The following SCN9A variants were observed in gnomAD, a reference collection of about 807,000 sequenced individuals.
SCN9A encodes the protein sodium channel protein type 9 subunit alpha.
SCN9A carries 131 observed loss-of-function variants against 187.0 expected under a neutral mutation model. That is an observed-to-expected ratio of 0.70 (90% CI 0.61 to 0.81). The LOEUF (loss-of-function observed/expected upper bound fraction) is 0.81, where lower values mean the gene tolerates loss of function less well. Among genes scored for constraint, SCN9A ranks in the 30% least tolerant of loss-of-function variants. The probability of loss-of-function intolerance (pLI) is 0.00; values close to 1 mark genes in which losing one functional copy is unlikely to be tolerated. For missense variants in SCN9A, 2,252 were observed against 2,396.6 expected (o/e 0.94, Z 1.26); for synonymous variants, 809 against 808.6 (o/e 1.00, Z -0.01).
intron 1 of SCN9A, among the ~76,000 whole-genome samples, chr2:166,332,216 T>C (rs1007574639): frequency 6.6e-6 from 1 of 152,172 alleles, no homozygotes; most frequent in Non-Finnish European, 1.5e-5. Flanking sequence ...GTGGCAGCAG[T>C]GACCAGTAGT....
intron 1 of SCN9A, among the ~76,000 whole-genome samples, chr2:166,331,498 T>A (rs1699501680): frequency 2.0e-5 from 3 of 152,178 alleles, no homozygotes; most frequent in African/African-American, 7.2e-5. Flanking sequence ...ACCCAACCAC[T>A]CTGTTATCAA....
At chr2:166,316,652 C>G (rs2105237007) in intron 1 of SCN9A, among the ~76,000 whole-genome samples, 1 of 152,312 alleles carries the variant, frequency 6.6e-6, no homozygotes, top group East Asian at 1.9e-4. Context: ...CAAGATCGTG[C>G]CACTGCACTC....
At position 166,304,344 on chromosome 2, in the gene SCN9A, C is replaced by G. The variant is rs1187513458; in HGVS notation, c.597-15G>C. The G allele has an allele frequency of 6.3e-7, 1 of 1,594,816 alleles. No individual in the cohort carries two copies. Among genetic ancestry groups the G allele is most frequent in the Non-Finnish European group, 8.6e-7 (1 of 1,163,328 alleles). On this transcript the variant is annotated splice_polypyrimidine_tract_variant and intron_variant, in intron 5 of 26. Transcript: ENST00000642356. ...CTGTTAAATACCTGTAGAATTAAATCAGAATTATTCAGAATTTAGATAGAG... is the reference window on the plus strand; with the variant it reads ...CTGTTAAATACCTGTAGAATTAAATGAGAATTATTCAGAATTTAGATAGAG...
chr2:166,212,897 G>GA (rs900474970), intron 24 of SCN9A, among the ~76,000 whole-genome samples: 2 of 151,102 alleles, frequency 1.3e-5, no homozygotes, highest in South Asian at 2.1e-4. Flanking sequence ...ATGGGTCAAA[G>GA]AAAAAAAATC....
chr2:166,364,122 A>G (rs1407835761), intron 1 of SCN9A, among the ~76,000 whole-genome samples: 1 of 151,988 alleles, frequency 6.6e-6, no homozygotes, highest in Non-Finnish European at 1.5e-5. Context: ...CAAAACCACA[A>G]TAAAATATCA....
chr2:166,289,734 G>T (rs888372684), intron 9 of SCN9A, among the ~76,000 whole-genome samples: 1 of 151,832 alleles, frequency 6.6e-6, no homozygotes, highest in Non-Finnish European at 1.5e-5. Flanking sequence ...CTTCCACACT[G>T]GTTGAACTAA....
chr2:166,265,877 A>G (rs1468308583), intron 17 of SCN9A, among the ~76,000 whole-genome samples: 1 of 151,708 alleles, frequency 6.6e-6, no homozygotes, highest in African/African-American at 2.4e-5. Flanking sequence ...AGAAATATCT[A>G]TTCAGGTCTT....
At chr2:166,281,528 A>G (rs1481612124) in intron 13 of SCN9A, 151 bp downstream of exon 13, 8 of 565,214 alleles carry the variant, frequency 1.4e-5, no homozygotes, top group Non-Finnish European at 2.3e-5. Context: ...AAACAATTCC[A>G]TCAGTATCCA....
chr2:166,368,611 C>T (rs773084045), intron 1 of SCN9A, among the ~76,000 whole-genome samples: 3 of 148,928 alleles, frequency 2.0e-5, no homozygotes, highest in Non-Finnish European at 4.4e-5. Flanking sequence ...CCAGCCTGGG[C>T]AACAGAGTGA....
intron 1 of SCN9A, among the ~76,000 whole-genome samples, chr2:166,340,434 G>C (rs151120735): frequency 6.6e-6 from 1 of 151,796 alleles, no homozygotes; most frequent in Non-Finnish European, 1.5e-5. Flanking sequence ...GCTTCTAATC[G>C]TTAAGACTTA....
chr2:166,373,327 TAA>T (rs376692400), intron 1 of SCN9A, among the ~76,000 whole-genome samples: 13,086 of 149,756 alleles, frequency 0.087, 656 homozygotes, highest in East Asian at 0.2. Flanking sequence ...TTTTTTTTTT[TAA>T]ATGCAGTTGT....
At chr2:166,370,303 G>A (rs1030641089) in intron 1 of SCN9A, among the ~76,000 whole-genome samples, 7 of 150,728 alleles carry the variant, frequency 4.6e-5, no homozygotes, top group African/African-American at 1.5e-4. Flanking sequence ...CAGCACTTTG[G>A]GAGGTCGAGG....
At chr2:166,206,399 C>A (rs1266150256) in intron 24 of SCN9A, among the ~76,000 whole-genome samples, 2 of 152,086 alleles carry the variant, frequency 1.3e-5, no homozygotes, top group Non-Finnish European at 2.9e-5. Context: ...TCATTCTCAG[C>A]AAAATATCAC....
Position 166,305,890 on chromosome 2 carries a change from T to C in SCN9A, c.498A>G (p.Glu166=), listed in dbSNP as rs961674589. 2 of 1,613,100 alleles carry C rather than the reference T, an allele frequency of 1.2e-6. No individual in the cohort carries two copies. Among genetic ancestry groups the C allele is most frequent in the African/African-American group, 1.3e-5 (1 of 74,802 alleles). Residue 166 remains glutamate (E), a synonymous_variant, in exon 5 of 27, where the codon GAA becomes GAG. Coordinates refer to ENST00000642356, the MANE Select transcript of SCN9A (RefSeq NM_001365536.1). ...EYTFTGIYTF[E]SLVKILARGF... ...CTCTTGCAAGGATTTTTACAAGTGA[T>C]TCAAAAGTATATATTCCAGTAAAAG... is the stretch of plus-strand genomic sequence containing the variant.
At position 166,238,190 on chromosome 2, in the gene SCN9A, G is replaced by A. The variant is rs909883598; in HGVS notation, c.3705C>T (p.Tyr1235=). Reference sequence around the variant, plus strand: ...TTAGAAGCATTTCCAGAATGAAGATGTAAGTGAAGATCTTGTCTGCATACT... The same window carrying A: ...TTAGAAGCATTTCCAGAATGAAGATATAAGTGAAGATCTTGTCTGCATACT... ...ILEYADKIFT[Y]IFILEMLLKW... The change falls in exon 20 of 27, where the codon TAC becomes TAT. Residue 1235 remains tyrosine (Y), a synonymous_variant. Transcript: ENST00000642356. 2 of 1,605,758 alleles carry A rather than the reference G, an allele frequency of 1.2e-6. No homozygotes were observed. Among genetic ancestry groups the A allele is most frequent in the African/African-American group, 2.7e-5 (2 of 74,768 alleles).
intron 1 of SCN9A, among the ~76,000 whole-genome samples, chr2:166,352,905 G>A (rs571416933): frequency 6.6e-6 from 1 of 151,994 alleles, no homozygotes; most frequent in Non-Finnish European, 1.5e-5. Context: ...GATGTGCCTT[G>A]TTAGTGCTTT....
At chr2:166,209,964 C>T (rs142629408) in intron 24 of SCN9A, among the ~76,000 whole-genome samples, 13,081 of 152,120 alleles carry the variant, frequency 0.086, 600 homozygotes, top group African/African-American at 0.11. Context: ...TGGGTATATA[C>T]CCAAAGGATT....
At position 166,251,849 on chromosome 2, in the gene SCN9A, C is replaced by T. The variant is rs765384427; in HGVS notation, c.3388G>A (p.Val1130Ile). 27 of 1,612,500 alleles carry T rather than the reference C, an allele frequency of 1.7e-5. No homozygotes were observed. The highest frequency in any genetic ancestry group is 2.3e-5 in the Non-Finnish European group (27 of 1,179,098). Residue 1130 changes from valine to isoleucine, a missense_variant, in exon 18 of 27, where the codon GTT becomes ATT. Coordinates refer to ENST00000642356, the MANE Select transcript of SCN9A (RefSeq NM_001365536.1). ...NRSSSSECST[V>I]DNPLPGEGEE... The stretch of plus-strand genomic sequence containing the variant: ...CCTTCTCCAGGCAAAGGGTTATCAA[C>T]TGTGCTGCACTCTGAGGAGCTTGAC...
chr2:166,250,983 GTTTTGT>G lies in SCN9A; in HGVS notation c.3472+776_3472+781del, dbSNP rs568006245. Reference sequence around the variant, plus strand: ...GGAGGAAGCTGTAAACCATACTAAAGTTTTGTTTTTGTTTTTGCTTTTCAAAAAAAA... The same window carrying G: ...GGAGGAAGCTGTAAACCATACTAAAGTTTTGTTTTTGCTTTTCAAAAAAAA... On this transcript the variant is annotated intron_variant, in intron 18 of 26. Transcript: ENST00000642356. Among the ~76,000 whole-genome samples the G allele has an allele frequency of 2.2e-3, 327 of 149,826 alleles. 2 individuals carry two copies. The highest frequency in any genetic ancestry group is 7.7e-3 in the African/African-American group (314 of 40,750).
Sources: allele counts gnomAD v4.1 joint callset (sites outside exome capture counted in the v4.1 genomes callset), GRCh38; gene constraint gnomAD v4.1.1; transcripts MANE v1.5; gene names NCBI Gene and HGNC (gene_info 2026-07-23, HGNC 2026-07-21).